FLNB: variants seen among roughly 807,000 people sequenced by gnomAD.
The protein encoded by FLNB is filamin-B.
In FLNB, 111 loss-of-function variants were observed where a neutral mutation model predicts 250.6. The observed-to-expected ratio is 0.44, with a 90% CI of 0.38 to 0.52. The LOEUF is 0.52. Ranked by LOEUF, FLNB falls within the 20% of genes least tolerant of loss-of-function variation. The probability of loss-of-function intolerance (pLI) is 0.00; values close to 1 mark genes in which losing one functional copy is unlikely to be tolerated. For synonymous variants in FLNB, 1,302 were observed against 1,372.1 expected (o/e 0.95, Z 1.13); for missense variants, 2,869 against 3,447.8 (o/e 0.83, Z 4.20).
chr3:58,072,367 C>G (rs943483461), intron 1 of FLNB, among the ~76,000 whole-genome samples: 2 of 152,174 alleles, frequency 1.3e-5, no homozygotes, highest in Admixed American at 6.6e-5. Flanking sequence ...TGGAGCAAGT[C>G]TTCACATGGA....
rs1438104892 is a variant in FLNB, at chr3:58,143,618, G to A, written c.5425+5G>A. ...ACATGGGCAGCCACATCCCTGGTAAGCTGAGTCAGCAGGCCCAGCAGGGCT... is the reference window on the plus strand; with the variant it reads ...ACATGGGCAGCCACATCCCTGGTAAACTGAGTCAGCAGGCCCAGCAGGGCT... On this transcript the variant is annotated splice_donor_5th_base_variant and intron_variant, in intron 32 of 45. Transcript: ENST00000295956. The A allele has an allele frequency of 1.2e-6, 2 of 1,613,820 alleles. No homozygotes were observed. The highest frequency in any genetic ancestry group is 1.7e-6 in the Non-Finnish European group (2 of 1,180,044).
At position 58,105,148 on chromosome 3, in the gene FLNB, A is replaced by G. The variant is rs749965480; in HGVS notation, c.1679A>G (p.His560Arg). The G allele has an allele frequency of 5.6e-6, 9 of 1,614,110 alleles. No homozygotes were observed. In the South Asian group the frequency reaches 7.7e-5, roughly 14 times the overall value. ...QKVRAWGPGL[H>R]GGIVGRSADF... ...GTCCGTGCTTGGGGCCCTGGGCTCC[A>G]TGGTGGGATTGTCGGGCGGTCAGCG... Residue 560 changes from histidine (H) to arginine (R), a missense_variant, in exon 11 of 46, where the codon CAT (histidine) becomes CGT (arginine). His to Arg is a conservative substitution (Grantham distance 29, BLOSUM62 0). This residue lies in a region of FLNB where 1,348 missense variants were observed against 1,466.7 expected (regional missense o/e 0.92). Transcript: ENST00000295956.
intron 4 of FLNB, among the ~76,000 whole-genome samples, chr3:58,087,626 A>G (rs904492062): frequency 1.3e-5 from 2 of 151,364 alleles, no homozygotes; most frequent in South Asian, 2.1e-4. Flanking sequence ...CTAATTTTGT[A>G]GTTTTAGTAG....
chr3:58,046,076 G>A (rs1271427006), intron 1 of FLNB, among the ~76,000 whole-genome samples: 1 of 151,180 alleles, frequency 6.6e-6, no homozygotes, highest in African/African-American at 2.4e-5. Flanking sequence ...GATGCCTTCT[G>A]GTCCAGCCAG....
intron 25 of FLNB, 39 bp downstream of exon 25, chr3:58,130,947 C>T: frequency 6.3e-7 from 1 of 1,588,342 alleles, no homozygotes; most frequent in Non-Finnish European, 8.6e-7. Flanking sequence ...CATTCATCTG[C>T]CCCAGGCAGG....
chr3:58,098,433 C>T (rs954027732), intron 7 of FLNB, among the ~76,000 whole-genome samples: 4 of 152,158 alleles, frequency 2.6e-5, no homozygotes, highest in Admixed American at 6.5e-5. Flanking sequence ...TGGGTTCAAG[C>T]GATTCTCATA....
chr3:58,076,028 G>A (rs2097201220), intron 1 of FLNB, among the ~76,000 whole-genome samples: 1 of 152,272 alleles, frequency 6.6e-6, no homozygotes, highest in Admixed American at 6.5e-5. Context: ...GCAAGGAAAG[G>A]ACTAGAAAGG....
intron 43 of FLNB, chr3:58,163,723 T>C (rs1357027863): frequency 4.1e-6 from 1 of 246,268 alleles, no homozygotes; most frequent in Non-Finnish European, 8.0e-6. Context: ...TGTTCTTTCA[T>C]GGTACCAGGC....
chr3:58,103,509 G>A (rs1175495055), intron 9 of FLNB, among the ~76,000 whole-genome samples: 10 of 152,174 alleles, frequency 6.6e-5, no homozygotes, highest in Admixed American at 6.5e-4. Flanking sequence ...TTGTTGTCCA[G>A]CTTTAGATGG....
At chr3:58,150,341 G>A in intron 38 of FLNB, 114 bp downstream of exon 38, 7 of 1,186,498 alleles carry the variant, frequency 5.9e-6, no homozygotes, top group Non-Finnish European at 8.8e-6. Context: ...CAAGTCGGCT[G>A]TGCTGACCTT....
intron 1 of FLNB, among the ~76,000 whole-genome samples, chr3:58,070,940 T>G (rs1434238290): frequency 6.7e-6 from 1 of 149,446 alleles, no homozygotes; most frequent in Non-Finnish European, 1.5e-5. Flanking sequence ...TCTCTTGCTC[T>G]CTCTCTCTCT....
Position 58,061,146 on chromosome 3 carries a change from A to G in FLNB, c.293-15900A>G, listed in dbSNP as rs561181808. Among the ~76,000 whole-genome samples, 3 of 152,300 alleles carry G rather than the reference A, an allele frequency of 2.0e-5. No homozygotes were observed. In the East Asian group the frequency reaches 5.8e-4, roughly 29 times the overall value. ...TGCCCTACCACCCCACCTCACCTCT[A>G]TTCCTTGCTGCTCTTTCCAGAAGCA... On this transcript the variant is annotated intron_variant, in intron 1 of 45. Coordinates refer to ENST00000295956, the MANE Select transcript of FLNB (RefSeq NM_001457.4).
chr3:58,162,051 A>G (rs2097362651), intron 42 of FLNB, among the ~76,000 whole-genome samples: 1 of 152,160 alleles, frequency 6.6e-6, no homozygotes. Context: ...ACACCTGGAC[A>G]TGGCGGTGGA....
At chr3:58,047,648 ACTGCATC>A (rs2097156126) in intron 1 of FLNB, among the ~76,000 whole-genome samples, 1 of 151,464 alleles carries the variant, frequency 6.6e-6, no homozygotes, top group African/African-American at 2.4e-5. Context: ...ATCTTGGCTT[ACTGCATC>A]CTCTGCCTCC....
chr3:58,091,558 A>G (rs1576701268), intron 4 of FLNB, among the ~76,000 whole-genome samples: 1 of 152,196 alleles, frequency 6.6e-6, no homozygotes, highest in Admixed American at 6.5e-5. Context: ...AGAAAAAAAC[A>G]TAGAAGAGAA....
chr3:58,128,970 A>C (rs775548179), intron 24 of FLNB, among the ~76,000 whole-genome samples: 2 of 152,136 alleles, frequency 1.3e-5, no homozygotes, highest in Non-Finnish European at 2.9e-5. Flanking sequence ...AGAGATATTT[A>C]GTGAAGTGTT....
intron 5 of FLNB, 36 bp from the exon 6 acceptor site, chr3:58,096,105 G>A: frequency 6.5e-7 from 1 of 1,534,474 alleles, no homozygotes; most frequent in Non-Finnish European, 9.0e-7. Context: ...CTCACACCCG[G>A]CACCTTTTCT....
chr3:58,137,257 C>T (rs910262524), intron 28 of FLNB, among the ~76,000 whole-genome samples: 2 of 152,144 alleles, frequency 1.3e-5, no homozygotes, highest in Non-Finnish European at 2.9e-5. Flanking sequence ...CCCTTTTTGG[C>T]TCACCCATGG....
At chr3:58,151,074 G>T (rs1164240465) in intron 38 of FLNB, 3 of 152,290 alleles carry the variant, frequency 2.0e-5, no homozygotes, top group Non-Finnish European at 2.9e-5. Context: ...CATTACTGTA[G>T]AGTTCAGACA....
Sources: allele counts gnomAD v4.1 joint callset (sites outside exome capture counted in the v4.1 genomes callset), GRCh38; gene constraint gnomAD v4.1.1; regional missense constraint gnomAD v4.1.1; transcripts MANE v1.5; gene names NCBI Gene and HGNC (gene_info 2026-07-23, HGNC 2026-07-21).